The following CDK6 variants were observed in gnomAD, a reference collection of about 807,000 sequenced individuals.
CDK6 encodes the protein cyclin-dependent kinase 6.
A neutral mutation model predicts 37.1 loss-of-function variants in CDK6; 6 were observed. The observed-to-expected ratio is 0.16, with a 90% CI of 0.09 to 0.32. The LOEUF is 0.32. Ranked by LOEUF, CDK6 falls within the 10% of genes least tolerant of loss-of-function variation. The pLI, the probability that CDK6 is intolerant of heterozygous loss-of-function variation, is 1.00. For missense variants in CDK6, 224 were observed against 418.9 expected (o/e 0.53, Z 4.06); for synonymous variants, 160 against 161.3 (o/e 0.99, Z 0.06).
intron 5 of CDK6, among the ~76,000 whole-genome samples, chr7:92,645,396 C>A (rs1221253837): frequency 6.6e-6 from 1 of 152,198 alleles, no homozygotes; most frequent in Non-Finnish European, 1.5e-5. Flanking sequence ...TTCCATCGTA[C>A]AAGAAAGATA....
chr7:92,802,364 T>C (rs1800602115), intron 2 of CDK6, among the ~76,000 whole-genome samples: 1 of 152,228 alleles, frequency 6.6e-6, no homozygotes, highest in African/African-American at 2.4e-5. Flanking sequence ...TTCAATATTC[T>C]AATATAACTA....
intron 2 of CDK6, among the ~76,000 whole-genome samples, chr7:92,823,664 A>G (rs1305573297): frequency 4.0e-5 from 6 of 151,248 alleles, no homozygotes; most frequent in Non-Finnish European, 8.8e-5. Context: ...GTGATTCTAC[A>G]TGGTTGAAAT....
chr7:92,764,099 T>A (rs1799522133), intron 3 of CDK6, among the ~76,000 whole-genome samples: 1 of 151,914 alleles, frequency 6.6e-6, no homozygotes, highest in Non-Finnish European at 1.5e-5. Context: ...GCATCCTAAT[T>A]AATCTAACCA....
chr7:92,833,008 CT>C lies in CDK6; in HGVS notation c.233+82del, dbSNP rs1323447990. 4 of 1,001,280 alleles carry C rather than the reference CT, an allele frequency of 4.0e-6. No homozygotes were observed. The highest frequency in any genetic ancestry group is 5.9e-6 in the Non-Finnish European group (4 of 674,970). 62.0% of individuals were successfully genotyped at this position (1,001,280 alleles called of 1,614,324 possible). On this transcript the variant is annotated intron_variant, in intron 2 of 7. Coordinates refer to ENST00000424848, the MANE Select transcript of CDK6 (RefSeq NM_001145306.2). This position sits in a 1 kb window ranked among gnomAD's most constrained non-coding sequence, Gnocchi z 6.1. ...TCCCCAGTCGCCCTCTGCCCCGCAC[CT>C]TTCTGGGCCTGAGGATTCCCGGCTC...
At chr7:92,767,152 T>A (rs2115750071) in intron 3 of CDK6, among the ~76,000 whole-genome samples, 1 of 152,322 alleles carries the variant, frequency 6.6e-6, no homozygotes, top group African/African-American at 2.4e-5. Flanking sequence ...TTAAAAAACC[T>A]ACTAAATAGC....
At chr7:92,671,896 T>C (rs1441298944) in intron 4 of CDK6, among the ~76,000 whole-genome samples, 1 of 151,188 alleles carries the variant, frequency 6.6e-6, no homozygotes, top group Non-Finnish European at 1.5e-5. Flanking sequence ...ATGGCAACAA[T>C]TACAGCTCAA....
At chr7:92,774,567 T>C in intron 3 of CDK6, 129 bp downstream of exon 3, 1 of 763,318 alleles carries the variant, frequency 1.3e-6, no homozygotes, top group South Asian at 2.4e-5. Flanking sequence ...ACATTTTCTT[T>C]GATTTTTTTA....
At chr7:92,701,985 A>G (rs1435415560) in intron 4 of CDK6, among the ~76,000 whole-genome samples, 1 of 152,168 alleles carries the variant, frequency 6.6e-6, no homozygotes, top group East Asian at 1.9e-4. Context: ...AATATTTTCT[A>G]CAGGAAGATA....
intron 3 of CDK6, among the ~76,000 whole-genome samples, chr7:92,748,904 C>T (rs950800317): frequency 1.3e-5 from 2 of 152,026 alleles, no homozygotes; most frequent in Non-Finnish European, 2.9e-5. Flanking sequence ...GTGGCACATG[C>T]CTGAAATCCC....
intron 5 of CDK6, among the ~76,000 whole-genome samples, chr7:92,646,594 C>T (rs1367428073): frequency 6.6e-6 from 1 of 151,996 alleles, no homozygotes; most frequent in African/African-American, 2.4e-5. Context: ...GATAGCGTTT[C>T]ACCATGTTGG....
chr7:92,726,339 C>T (rs114838223), intron 3 of CDK6, among the ~76,000 whole-genome samples: 136 of 152,258 alleles, frequency 8.9e-4, no homozygotes, highest in African/African-American at 3.2e-3. Flanking sequence ...CACCATTTTA[C>T]AGGTCAAGAA....
intron 4 of CDK6, among the ~76,000 whole-genome samples, chr7:92,721,781 G>A (rs541251235): frequency 8.5e-5 from 13 of 152,184 alleles, no homozygotes; most frequent in Admixed American, 3.3e-4. Flanking sequence ...TTCTACCAAA[G>A]GCCAACATAT....
chr7:92,616,462 T>C (rs936563987), intron 7 of CDK6, among the ~76,000 whole-genome samples: 1 of 152,170 alleles, frequency 6.6e-6, no homozygotes, highest in Non-Finnish European at 1.5e-5. Flanking sequence ...AGCCTCCCTA[T>C]AGGATCTTCT....
intron 3 of CDK6, among the ~76,000 whole-genome samples, chr7:92,726,678 T>G (rs1483180701): frequency 2.6e-5 from 4 of 152,236 alleles, no homozygotes; most frequent in Non-Finnish European, 5.9e-5. Flanking sequence ...CCCAAAGTGC[T>G]GGGATTACAG....
intron 4 of CDK6, among the ~76,000 whole-genome samples, chr7:92,724,491 G>T (rs1291703467): frequency 6.6e-6 from 1 of 152,066 alleles, no homozygotes; most frequent in African/African-American, 2.4e-5. Context: ...GGGGGCAGGG[G>T]GTGGGGAACA....
intron 2 of CDK6, among the ~76,000 whole-genome samples, chr7:92,802,663 G>A (rs1800612379): frequency 6.6e-6 from 1 of 152,084 alleles, no homozygotes; most frequent in Admixed American, 6.5e-5. Context: ...TACAATATAT[G>A]ATCATTTCCT....
At chr7:92,711,702 G>A (rs1470541998) in intron 4 of CDK6, among the ~76,000 whole-genome samples, 4 of 150,878 alleles carry the variant, frequency 2.7e-5, no homozygotes, top group Non-Finnish European at 1.5e-5. Context: ...CAAGTAGCTG[G>A]GACTACAGGC....
chr7:92,770,016 G>A (rs1336158501), intron 3 of CDK6, among the ~76,000 whole-genome samples: 1 of 151,986 alleles, frequency 6.6e-6, no homozygotes, highest in Non-Finnish European at 1.5e-5. Context: ...AACCCAGGAA[G>A]GCAATATTAA....
intron 2 of CDK6, among the ~76,000 whole-genome samples, chr7:92,781,140 G>A (rs186096107): frequency 8.4e-4 from 128 of 152,316 alleles, no homozygotes; most frequent in Non-Finnish European, 5.0e-4. Flanking sequence ...ATTAACTAAG[G>A]CTATGCCTTC....
Sources: gnomAD v4.1 joint callset for allele counts (sites outside exome capture counted in the v4.1 genomes callset) on GRCh38, gnomAD v4.1.1 for gene constraint, Gnocchi (gnomAD v3.1) non-coding constraint, MANE v1.5 for transcripts, NCBI Gene and HGNC (gene_info 2026-07-23, HGNC 2026-07-21) for gene names.